The following SLC25A26 variants were observed in gnomAD, a reference collection of about 807,000 sequenced individuals.
SLC25A26 encodes the protein solute carrier family 25 member 26, also known as mitochondrial S-adenosylmethionine carrier protein.
A neutral mutation model predicts 37.8 loss-of-function variants in SLC25A26; 36 were observed. The observed-to-expected ratio is 0.95, with a 90% CI of 0.73 to 1.26. The LOEUF is 1.26. Ranked by LOEUF, SLC25A26 falls within the 50% of genes most tolerant of loss-of-function variation. The probability of loss-of-function intolerance (pLI) is 0.00; values close to 1 mark genes in which losing one functional copy is unlikely to be tolerated. For missense variants in SLC25A26, 390 were observed against 331.1 expected, an observed-to-expected ratio of 1.18 and a Z score of -1.38; for synonymous variants, 129 against 122.5, an observed-to-expected ratio of 1.05 and a Z score of -0.35.
At chr3:66,344,245 C>T (rs576453217) in intron 5 of SLC25A26, among the ~76,000 whole-genome samples, 2 of 151,924 alleles carry the variant, frequency 1.3e-5, no homozygotes, top group Non-Finnish European at 2.9e-5. Flanking sequence ...GGCGGATCAC[C>T]TGAGGTCAGG....
intron 1 of SLC25A26, among the ~76,000 whole-genome samples, chr3:66,152,726 G>T (rs370861854): frequency 6.6e-6 from 1 of 152,306 alleles, no homozygotes; most frequent in South Asian, 2.1e-4. Flanking sequence ...TTTGGCTGAC[G>T]TTGTCTATTT....
chr3:66,351,744 T>C (rs2076458567), intron 6 of SLC25A26, among the ~76,000 whole-genome samples: 1 of 152,178 alleles, frequency 6.6e-6, no homozygotes, highest in African/African-American at 2.4e-5. Context: ...AAAGTTGTCT[T>C]ATGCTTGCTC....
intron 5 of SLC25A26, among the ~76,000 whole-genome samples, chr3:66,293,851 G>A (rs959913451): frequency 1.7e-4 from 26 of 152,048 alleles, no homozygotes; most frequent in Non-Finnish European, 2.9e-4. Flanking sequence ...GTGAACATAC[G>A]TGTGCATGTG....
At chr3:66,311,419 T>G (rs1159507293) in intron 5 of SLC25A26, among the ~76,000 whole-genome samples, 1 of 152,124 alleles carries the variant, frequency 6.6e-6, no homozygotes, top group Non-Finnish European at 1.5e-5. Context: ...CTTAGCTTGC[T>G]TTCATTGGGT....
intron 5 of SLC25A26, among the ~76,000 whole-genome samples, chr3:66,316,036 A>T (rs542092032): frequency 2.6e-5 from 4 of 152,320 alleles, no homozygotes; most frequent in African/African-American, 9.6e-5. Flanking sequence ...TCTTGAATAC[A>T]GCACAGCAAT....
intron 6 of SLC25A26, among the ~76,000 whole-genome samples, chr3:66,347,755 A>G (rs2076359410): frequency 6.6e-6 from 1 of 152,272 alleles, no homozygotes. Context: ...CTGCATAAAG[A>G]AAATGTGGTA....
At chr3:66,190,945 G>GT (rs2070930426) in intron 1 of SLC25A26, among the ~76,000 whole-genome samples, 1 of 152,158 alleles carries the variant, frequency 6.6e-6, no homozygotes, top group Admixed American at 6.5e-5. Context: ...GAGTTTCTGA[G>GT]TTTTTTGGAG....
chr3:66,307,187 G>C (rs1310334745), intron 5 of SLC25A26, among the ~76,000 whole-genome samples: 1 of 152,162 alleles, frequency 6.6e-6, no homozygotes, highest in East Asian at 1.9e-4. Context: ...ACTCTTTAAT[G>C]ATCGTCATTG....
intron 9 of SLC25A26, among the ~76,000 whole-genome samples, chr3:66,371,041 C>G (rs778738573): frequency 7.2e-5 from 11 of 152,226 alleles, no homozygotes; most frequent in Non-Finnish European, 1.5e-4. Context: ...CTATTAGCAT[C>G]AATTGAGAAC....
Position 66,258,604 on chromosome 3 carries a change from AT to A in SLC25A26, c.301-3445del, listed in dbSNP as rs760604357. ...AAATTTTATATTTTCTAATAGCCAC[AT>A]TAAAAAAGGTGAAAACATCTGCTGG... is the stretch of plus-strand genomic sequence containing the variant. On this transcript the variant is annotated intron_variant, in intron 3 of 9. Coordinates refer to ENST00000354883, the MANE Select transcript of SLC25A26 (RefSeq NM_001379210.1). 3.3e-5 allele frequency among the ~76,000 whole-genome samples: 5 copies of A among 152,336 alleles called. No homozygotes were observed. The East Asian group carries it at 9.6e-4, about 29-fold the overall frequency.
intron 1 of SLC25A26, among the ~76,000 whole-genome samples, chr3:66,235,482 C>A (rs2072233118): frequency 6.6e-6 from 1 of 152,036 alleles, no homozygotes; most frequent in African/African-American, 2.4e-5. Flanking sequence ...AATTTATTCA[C>A]TTGATTTAAA....
intron 5 of SLC25A26, among the ~76,000 whole-genome samples, chr3:66,275,286 A>G (rs1052424409): frequency 6.6e-6 from 1 of 151,098 alleles, no homozygotes; most frequent in Non-Finnish European, 1.5e-5. Flanking sequence ...GCATTAGGAG[A>G]TACATCTAAT....
chr3:66,249,022 A>G (rs782445980), intron 3 of SLC25A26, among the ~76,000 whole-genome samples: 1 of 152,210 alleles, frequency 6.6e-6, no homozygotes, highest in Non-Finnish European at 1.5e-5. Context: ...TGGCTCAGTA[A>G]TTCCCTACAT....
chr3:66,310,482 A>C (rs1215032489), intron 5 of SLC25A26, among the ~76,000 whole-genome samples: 1 of 152,198 alleles, frequency 6.6e-6, no homozygotes, highest in East Asian at 1.9e-4. Flanking sequence ...TAACTGGGGC[A>C]TCTAGCCCAT....
At chr3:66,148,741 T>C (rs576628691) in intron 1 of SLC25A26, among the ~76,000 whole-genome samples, 1 of 152,156 alleles carries the variant, frequency 6.6e-6, no homozygotes, top group East Asian at 1.9e-4. Context: ...ATAGAATTGA[T>C]CTTCTAAAAT....
chr3:66,204,131 A>T (rs909079645), intron 1 of SLC25A26, among the ~76,000 whole-genome samples: 86,341 of 152,052 alleles, frequency 0.57, 27,077 homozygotes, highest in Middle Eastern at 0.85. Context: ...CTTGCATGAA[A>T]ATCACGAGAA....
intron 5 of SLC25A26, among the ~76,000 whole-genome samples, chr3:66,278,623 C>G (rs2074235679): frequency 6.6e-6 from 1 of 152,136 alleles, no homozygotes; most frequent in African/African-American, 2.4e-5. Context: ...CTCATCCTAG[C>G]ATTCCAGTTA....
At chr3:66,274,224 C>A (rs1319167602) in intron 5 of SLC25A26, among the ~76,000 whole-genome samples, 1 of 152,108 alleles carries the variant, frequency 6.6e-6, no homozygotes, top group African/African-American at 2.4e-5. Flanking sequence ...TGGATCCCTT[C>A]CTTACACCTT....
intron 2 of SLC25A26, among the ~76,000 whole-genome samples, chr3:66,242,430 T>G (rs1262746772): frequency 6.6e-6 from 1 of 152,230 alleles, no homozygotes; most frequent in African/African-American, 2.4e-5. Context: ...GAAGATCCTT[T>G]ACAAGCTTTT....
Sources: allele counts gnomAD v4.1 joint callset (sites outside exome capture counted in the v4.1 genomes callset), GRCh38; gene constraint gnomAD v4.1.1; transcripts MANE v1.5; gene names NCBI Gene and HGNC (gene_info 2026-07-23, HGNC 2026-07-21).